The following SNX30 variants were observed in gnomAD, a reference collection of about 807,000 sequenced individuals.
SNX30 encodes sorting nexin family member 30.
SNX30 carries 24 observed loss-of-function variants against 46.4 expected under a neutral mutation model. The observed-to-expected ratio is 0.52, with a 90% CI of 0.37 to 0.73. The LOEUF is 0.73. Among genes scored for constraint, SNX30 ranks in the 30% least tolerant of loss-of-function variants. The pLI, the probability that SNX30 is intolerant of heterozygous loss-of-function variation, is 0.00. For synonymous variants in SNX30, 189 were observed against 211.5 expected, an observed-to-expected ratio of 0.89 and a Z score of 0.92; for missense variants, 533 against 555.7, an observed-to-expected ratio of 0.96 and a Z score of 0.41.
intron 8 of SNX30, among the ~76,000 whole-genome samples, chr9:112,866,851 C>CCCCCTCCT: frequency 1.3e-5 from 2 of 150,446 alleles, no homozygotes; most frequent in Admixed American, 6.6e-5. Flanking sequence ...AGAACTCCTC[C>CCCCCTCCT]CACCTCCTCA....
At chr9:112,856,369 G>A (rs1841128151) in intron 7 of SNX30, among the ~76,000 whole-genome samples, 2 of 150,604 alleles carry the variant, frequency 1.3e-5, no homozygotes, top group Non-Finnish European at 3.0e-5. Flanking sequence ...AGGGCACGTG[G>A]CATGTAGGGA....
chr9:112,813,523 C>T (rs1840350652), intron 2 of SNX30, among the ~76,000 whole-genome samples: 1 of 144,364 alleles, frequency 6.9e-6, no homozygotes, highest in African/African-American at 2.6e-5. Flanking sequence ...GGCTGGAGTG[C>T]AGTGGCGCGA....
intron 4 of SNX30, among the ~76,000 whole-genome samples, chr9:112,832,227 A>G (rs1840670530): frequency 6.6e-6 from 1 of 151,906 alleles, no homozygotes; most frequent in Admixed American, 6.6e-5. Context: ...ATTTCCTGGC[A>G]AACTAAACCT....
chr9:112,838,503 C>G lies in SNX30; in HGVS notation c.820C>G (p.Leu274Val). The G allele has an allele frequency of 1.2e-6, 2 of 1,610,696 alleles. No individual in the cohort carries two copies. The highest frequency in any genetic ancestry group is 1.7e-6 in the Non-Finnish European group (2 of 1,177,998). ...AGTTTCTGTTCCCTGTTCAGAGTAC[C>G]TTGTGGAGCTGAGAGAATACGGGCC... Reference protein sequence around the residue: ...QRIIKEEIEYLVELREYGPVY... With the variant: ...QRIIKEEIEYVVELREYGPVY... The change falls in exon 6 of 9, where the codon CTT becomes GTT. Residue 274 changes from leucine to valine, a missense_variant. By Grantham distance (32) the Leu-to-Val change is conservative (BLOSUM62 1). Around this residue, in one of 3 missense-constraint regions of SNX30, gnomAD observed 261 missense variants for 270.9 expected, o/e 0.96. Coordinates refer to ENST00000374232, the MANE Select transcript of SNX30 (RefSeq NM_001012994.2).
At chr9:112,750,293 T>C (rs1839242984), upstream of SNX30, 1 of 152,342 alleles carries the variant, frequency 6.6e-6, no homozygotes, top group Admixed American at 6.5e-5. Flanking sequence ...CGATGTCCTC[T>C]AGCTCATTTG....
chr9:112,788,377 A>G (rs978931147), intron 1 of SNX30, among the ~76,000 whole-genome samples: 1 of 152,170 alleles, frequency 6.6e-6, no homozygotes, highest in South Asian at 2.1e-4. Context: ...CGTGTGTAGT[A>G]CCATGTCAGA....
intron 5 of SNX30, 125 bp from the exon 6 acceptor site, chr9:112,838,373 G>A (rs1840798674): frequency 4.1e-6 from 3 of 728,916 alleles, no homozygotes; most frequent in Admixed American, 2.9e-5. Context: ...AGTGGGATCA[G>A]GTGAGTGAAT....
At chr9:112,760,850 T>C (rs1279931177) in intron 1 of SNX30, among the ~76,000 whole-genome samples, 1 of 152,138 alleles carries the variant, frequency 6.6e-6, no homozygotes, top group Non-Finnish European at 1.5e-5. Context: ...GCTGGGGGTA[T>C]GTCTGCAGAT....
intron 1 of SNX30, among the ~76,000 whole-genome samples, chr9:112,760,589 T>C (rs1324911731): frequency 2.6e-5 from 4 of 151,894 alleles, no homozygotes; most frequent in African/African-American, 7.3e-5. Context: ...CAGAGGGAAG[T>C]AGAGCTAGGA....
At chr9:112,880,890 T>C (rs1841568035) in intron 5 of SNX30, among the ~76,000 whole-genome samples, 1 of 152,196 alleles carries the variant, frequency 6.6e-6, no homozygotes, top group African/African-American at 2.4e-5. Flanking sequence ...ATTCCAGTCT[T>C]GCAAGTACTG....
downstream of SNX30, chr9:112,879,940 T>C (rs1841557668): frequency 4.7e-6 from 4 of 845,304 alleles, no homozygotes; most frequent in African/African-American, 3.3e-5. Flanking sequence ...TAGGTAGGCA[T>C]TGACCAAGGT....
At chr9:112,857,001 A>T (rs1841142013) in intron 7 of SNX30, among the ~76,000 whole-genome samples, 1 of 152,204 alleles carries the variant, frequency 6.6e-6, no homozygotes, top group Non-Finnish European at 1.5e-5. Context: ...TGGAGCCGGT[A>T]TGGAGTCCAA....
At chr9:112,854,211 A>T (rs1841082272) in intron 7 of SNX30, among the ~76,000 whole-genome samples, 1 of 152,346 alleles carries the variant, frequency 6.6e-6, no homozygotes, top group Non-Finnish European at 1.5e-5. Context: ...TGCTGGAAGC[A>T]CACACCAGGC....
chr9:112,804,296 C>G (rs1840187564), intron 1 of SNX30, among the ~76,000 whole-genome samples: 1 of 152,198 alleles, frequency 6.6e-6, no homozygotes, highest in South Asian at 2.1e-4. Flanking sequence ...TCCCGAGTAG[C>G]TGGGATCACA....
intron 1 of SNX30, among the ~76,000 whole-genome samples, chr9:112,759,030 G>A (rs1839398907): frequency 1.3e-5 from 2 of 151,952 alleles, no homozygotes; most frequent in Admixed American, 1.3e-4. Flanking sequence ...TCCATCTGGT[G>A]CCTTTTTTTT....
intron 7 of SNX30, among the ~76,000 whole-genome samples, chr9:112,861,666 T>A (rs911569236): frequency 6.6e-6 from 1 of 152,212 alleles, no homozygotes; most frequent in Admixed American, 6.5e-5. Context: ...TCTGCCAGTC[T>A]TGCGAGCTGC....
At chr9:112,770,828 T>G (rs899905482) in intron 1 of SNX30, among the ~76,000 whole-genome samples, 1 of 152,080 alleles carries the variant, frequency 6.6e-6, no homozygotes, top group East Asian at 1.9e-4. Flanking sequence ...AAACCCCATC[T>G]CTACTAAAAA....
rs1338136448 is a variant in SNX30 at position 112,872,288 on chromosome 9, G to A, written c.*3445G>A. 1.3e-5 allele frequency: 2 copies of A among 152,242 alleles called. No individual in the cohort carries two copies. Among genetic ancestry groups the A allele is most frequent in the Non-Finnish European group, 2.9e-5 (2 of 68,046 alleles). The allele number at this position is 152,242 out of a possible 1,614,324, so 9.4% of individuals were successfully genotyped here. A position where few individuals can be genotyped will look rare whatever the true frequency, so the allele number is the denominator to read the frequency against. The stretch of plus-strand genomic sequence containing the variant: ...AGGAGGGCACGATGACCATGTGGCA[G>A]TCTGCAAGTGGAATTTTGGGATGGC... On this transcript the variant is annotated 3_prime_UTR_variant, in exon 9 of 9. Transcript: ENST00000374232.
At chr9:112,771,278 T>TATAC (rs1289492115) in intron 1 of SNX30, among the ~76,000 whole-genome samples, 2 of 152,244 alleles carry the variant, frequency 1.3e-5, no homozygotes, top group Non-Finnish European at 2.9e-5. Context: ...AAATGCTGTG[T>TATAC]GTATAAGGAT....
Sources: allele counts gnomAD v4.1 joint callset (sites outside exome capture counted in the v4.1 genomes callset), GRCh38; gene constraint gnomAD v4.1.1; regional missense constraint gnomAD v4.1.1; transcripts MANE v1.5; gene names NCBI Gene and HGNC (gene_info 2026-07-23, HGNC 2026-07-21).